The following ABLIM1 variants were observed in gnomAD, a reference collection of about 807,000 sequenced individuals.
The protein encoded by ABLIM1 is actin binding LIM protein 1.
A neutral mutation model predicts 107.0 loss-of-function variants in ABLIM1; 40 were observed. The ratio of observed to expected loss-of-function variants is 0.37; its 90% CI spans 0.29 to 0.49. The LOEUF (loss-of-function observed/expected upper bound fraction) is 0.49. Ranked by LOEUF, ABLIM1 falls within the 20% of genes least tolerant of loss-of-function variation. ABLIM1 has a pLI of 0.97. For missense variants in ABLIM1, 857 were observed against 1,008.5 expected (o/e 0.85, Z 2.04); for synonymous variants, 357 against 357.3 (o/e 1.00, Z 0.01).
chr10:114,539,532 A>C (rs2066408669), intron 6 of ABLIM1, among the ~76,000 whole-genome samples: 1 of 152,242 alleles, frequency 6.6e-6, no homozygotes, highest in Non-Finnish European at 1.5e-5. Flanking sequence ...TTGCTGTCTT[A>C]CTTAAATTTA....
intron 1 of ABLIM1, among the ~76,000 whole-genome samples, chr10:114,755,098 G>A (rs7080397): frequency 1.3e-5 from 2 of 151,930 alleles, no homozygotes; most frequent in Non-Finnish European, 1.5e-5. Context: ...CCTGAGGAAC[G>A]GAGCCGCACA....
At chr10:114,536,710 TG>T (rs1490173379) in intron 6 of ABLIM1, among the ~76,000 whole-genome samples, 2 of 152,228 alleles carry the variant, frequency 1.3e-5, no homozygotes, top group East Asian at 3.8e-4. Flanking sequence ...TATTGTCAAG[TG>T]ATGGTCTGAC....
At chr10:114,766,822 C>T (rs2082905972) in intron 1 of ABLIM1, among the ~76,000 whole-genome samples, 1 of 152,178 alleles carries the variant, frequency 6.6e-6, no homozygotes, top group Admixed American at 6.5e-5. Context: ...CACCAAGTCC[C>T]TTATGGTGTT....
At chr10:114,746,651 G>A (rs759956265) in intron 1 of ABLIM1, among the ~76,000 whole-genome samples, 18 of 152,234 alleles carry the variant, frequency 1.2e-4, no homozygotes, top group Non-Finnish European at 2.2e-4. Context: ...TTTCTATAAT[G>A]GTTGTACTAA....
At chr10:114,749,740 G>A (rs547607761) in intron 1 of ABLIM1, among the ~76,000 whole-genome samples, 3 of 151,832 alleles carry the variant, frequency 2.0e-5, no homozygotes, top group Non-Finnish European at 4.4e-5. Context: ...TACTGGCCTC[G>A]CTGTGCCCTA....
intron 1 of ABLIM1, among the ~76,000 whole-genome samples, chr10:114,668,965 G>A (rs2080139466): frequency 6.6e-6 from 1 of 152,234 alleles, no homozygotes; most frequent in Non-Finnish European, 1.5e-5. Context: ...TCACTGAACT[G>A]TGAACTTCTT....
chr10:114,676,436 C>T (rs1186827715), intron 1 of ABLIM1, among the ~76,000 whole-genome samples: 3 of 151,898 alleles, frequency 2.0e-5, no homozygotes, highest in African/African-American at 7.3e-5. Flanking sequence ...GAGATCGCGA[C>T]ACTGCACTCC....
intron 1 of ABLIM1, among the ~76,000 whole-genome samples, chr10:114,634,123 A>ATTTTTC (rs2078340053): frequency 1.5e-5 from 1 of 68,220 alleles, no homozygotes; most frequent in Non-Finnish European, 3.1e-5. Context: ...CATTAGCTCA[A>ATTTTTC]TTTTTCTTTT....
chr10:114,756,538 A>G (rs2082633791), intron 1 of ABLIM1, among the ~76,000 whole-genome samples: 1 of 152,236 alleles, frequency 6.6e-6, no homozygotes, highest in Non-Finnish European at 1.5e-5. Context: ...ATCATCCAAG[A>G]GCCTAGTATG....
In ABLIM1 at chr10:114,431,550, A is replaced by C. The variant is rs944982611; in HGVS notation, c.*4710T>G. ...AAGTCTGTACATAAAACCCCAAAAGAACATCAGTTTTGTGGACAATGGTTT... is the reference window on the plus strand; with the variant it reads ...AAGTCTGTACATAAAACCCCAAAAGCACATCAGTTTTGTGGACAATGGTTT... On this transcript the variant is annotated 3_prime_UTR_variant, in exon 23 of 23. Transcript: ENST00000533213. The C allele has an allele frequency of 3.3e-5, 5 of 152,190 alleles. No individual in the cohort carries two copies. The highest frequency in any genetic ancestry group is 9.7e-5 in the African/African-American group (4 of 41,442). The allele number at this position is 152,190 out of a possible 1,614,324, so 9.4% of individuals were successfully genotyped here.
At chr10:114,717,173 T>A (rs539495274) in intron 1 of ABLIM1, among the ~76,000 whole-genome samples, 3 of 152,338 alleles carry the variant, frequency 2.0e-5, no homozygotes, top group South Asian at 4.1e-4. Flanking sequence ...TTTACCATTA[T>A]CATTTTTTAG....
the ABLIM1 span, among the ~76,000 whole-genome samples, chr10:114,787,053 C>T: frequency 6.6e-6 from 1 of 151,374 alleles, no homozygotes; most frequent in Non-Finnish European, 1.5e-5. Flanking sequence ...AAGTGAGGAG[C>T]GCCTCTTCCC....
At chr10:114,638,318 T>G (rs573655952) in intron 1 of ABLIM1, among the ~76,000 whole-genome samples, 15 of 152,306 alleles carry the variant, frequency 9.8e-5, no homozygotes, top group African/African-American at 3.6e-4. Context: ...CAATAATTAC[T>G]TTGGAGAGAA....
At chr10:114,581,551 C>A (rs547210320) in intron 2 of ABLIM1, among the ~76,000 whole-genome samples, 1 of 152,174 alleles carries the variant, frequency 6.6e-6, no homozygotes, top group Non-Finnish European at 1.5e-5. Context: ...TGCTCTCATA[C>A]AGGTTTTAAT....
intron 1 of ABLIM1, among the ~76,000 whole-genome samples, chr10:114,655,354 T>G (rs1321333558): frequency 1.3e-5 from 2 of 152,238 alleles, no homozygotes; most frequent in Non-Finnish European, 2.9e-5. Context: ...AATCTGCTGA[T>G]AAGTCATTAT....
At chr10:114,461,289 A>G (rs1384835133) in intron 12 of ABLIM1, among the ~76,000 whole-genome samples, 3 of 150,000 alleles carry the variant, frequency 2.0e-5, no homozygotes, top group Admixed American at 2.0e-4. Flanking sequence ...CTGGTCTTGA[A>G]CTCCTGGGCT....
At chr10:114,476,965 T>C (rs2056538252) in intron 8 of ABLIM1, among the ~76,000 whole-genome samples, 1 of 152,056 alleles carries the variant, frequency 6.6e-6, no homozygotes, top group Non-Finnish European at 1.5e-5. Flanking sequence ...GCCAAGCACT[T>C]CCCAGGCTTA....
the ABLIM1 span, among the ~76,000 whole-genome samples, chr10:114,795,481 C>A: frequency 3.3e-5 from 5 of 152,070 alleles, no homozygotes; most frequent in South Asian, 2.1e-4. Context: ...CCGAAGTGGG[C>A]GGATCACCTG....
intron 1 of ABLIM1, among the ~76,000 whole-genome samples, chr10:114,679,635 CAA>C (rs757677426): frequency 3.6e-4 from 31 of 86,292 alleles, no homozygotes; most frequent in Non-Finnish European, 3.8e-4. Flanking sequence ...AACTCCGTCT[CAA>C]AAAAAAAAAA....
Sources: gnomAD v4.1 joint callset for allele counts (sites outside exome capture counted in the v4.1 genomes callset) on GRCh38, gnomAD v4.1.1 for gene constraint, MANE v1.5 for transcripts, NCBI Gene and HGNC (gene_info 2026-07-23, HGNC 2026-07-21) for gene names.